CNTNAP2: variants seen among roughly 807,000 people sequenced by gnomAD.
The protein encoded by CNTNAP2 is contactin associated protein 2.
CNTNAP2 carries 98 observed loss-of-function variants against 155.2 expected under a neutral mutation model. The ratio of observed to expected loss-of-function variants is 0.63; its 90% confidence interval spans 0.54 to 0.75. The LOEUF (loss-of-function observed/expected upper bound fraction) is 0.75. CNTNAP2 is among the 30% of genes least tolerant of loss of function. CNTNAP2 has a pLI of 0.00. For missense variants in CNTNAP2, 1,727 were observed against 1,688.1 expected (o/e 1.02, Z -0.40); for synonymous variants, 651 against 631.2 (o/e 1.03, Z -0.47).
chr7:146,830,594 T>C (rs1282951933), intron 2 of CNTNAP2, among the ~76,000 whole-genome samples: 2 of 152,312 alleles, frequency 1.3e-5, no homozygotes, highest in East Asian at 1.9e-4. Flanking sequence ...TAAGGTTACA[T>C]AATTCTTTCT....
chr7:147,720,896 A>T (rs1198277090), intron 13 of CNTNAP2, among the ~76,000 whole-genome samples: 1 of 152,114 alleles, frequency 6.6e-6, no homozygotes, highest in Non-Finnish European at 1.5e-5. Flanking sequence ...TATGGTTTTC[A>T]TCAGGATACC....
chr7:147,705,246 G>A (rs562420183), intron 13 of CNTNAP2, among the ~76,000 whole-genome samples: 41 of 151,936 alleles, frequency 2.7e-4, no homozygotes, highest in Admixed American at 2.0e-3. Context: ...GGTATACTAC[G>A]TTTTGACTTG....
At chr7:146,352,748 C>CTTTTTTTTTTTTTTTTTTTTTTTTTT (rs1201897985) in intron 1 of CNTNAP2, among the ~76,000 whole-genome samples, 1 of 66,218 alleles carries the variant, frequency 1.5e-5, no homozygotes, top group Non-Finnish European at 2.6e-5. Context: ...TAGCATAATT[C>CTTTTTTTTTTTTTTTTTTTTTTTTTT]TGTTTTTTTT....
At chr7:148,292,743 C>T (rs980247343) in intron 21 of CNTNAP2, among the ~76,000 whole-genome samples, 5 of 152,142 alleles carry the variant, frequency 3.3e-5, no homozygotes, top group African/African-American at 1.2e-4. Context: ...GGACCCTGGC[C>T]ACCACTTGCA....
At chr7:147,776,932 T>C (rs1563085367) in intron 13 of CNTNAP2, among the ~76,000 whole-genome samples, 1 of 152,064 alleles carries the variant, frequency 6.6e-6, no homozygotes, top group Non-Finnish European at 1.5e-5. Flanking sequence ...TTTTGTAGTA[T>C]ATTTTATTCT....
chr7:148,127,064 G>C (rs1284232099), intron 16 of CNTNAP2, among the ~76,000 whole-genome samples: 1 of 152,148 alleles, frequency 6.6e-6, no homozygotes, highest in East Asian at 1.9e-4. Flanking sequence ...CAGCACTTTG[G>C]GAGGCCGAGG....
intron 1 of CNTNAP2, among the ~76,000 whole-genome samples, chr7:146,197,702 T>A (rs1798796712): frequency 6.6e-6 from 1 of 152,206 alleles, no homozygotes; most frequent in South Asian, 2.1e-4. Flanking sequence ...TTATCTAGTC[T>A]AACAGTATGC....
At chr7:148,348,122 CT>C (rs1798359732) in intron 21 of CNTNAP2, among the ~76,000 whole-genome samples, 1 of 152,190 alleles carries the variant, frequency 6.6e-6, no homozygotes, top group Non-Finnish European at 1.5e-5. Flanking sequence ...AACACTGTTT[CT>C]CTGGTCAGAG....
intron 15 of CNTNAP2, among the ~76,000 whole-genome samples, chr7:148,066,086 TG>T (rs1803253510): frequency 1.3e-5 from 2 of 152,328 alleles, no homozygotes; most frequent in South Asian, 2.1e-4. Flanking sequence ...TTAATTATTT[TG>T]TTTAAGGAGG....
chr7:146,433,256 T>G (rs1172424791), intron 1 of CNTNAP2, among the ~76,000 whole-genome samples: 10 of 152,110 alleles, frequency 6.6e-5, no homozygotes, highest in African/African-American at 2.4e-4. Flanking sequence ...ATCAAATTAA[T>G]AATTCAAAAC....
chr7:148,417,302 C>A lies in CNTNAP2; in HGVS notation c.*1686C>A, dbSNP rs997244388. 2 of 152,596 alleles carry A rather than the reference C, an allele frequency of 1.3e-5. No individual in the cohort carries two copies. Among genetic ancestry groups the A allele is most frequent in the African/African-American group, 4.8e-5 (2 of 41,442 alleles). The allele number at this position is 152,596 out of a possible 1,614,324, so 9.5% of individuals were successfully genotyped here. A position where few individuals can be genotyped will look rare whatever the true frequency, so the allele number is the denominator to read the frequency against. On this transcript the variant is annotated 3_prime_UTR_variant, in exon 24 of 24. Coordinates refer to ENST00000361727, the MANE Select transcript of CNTNAP2 (RefSeq NM_014141.6). ...CTAACTTATTGGAGCACATCAGTTT[C>A]TTGGGTAATGGAAAACATTACCTAG...
chr7:147,333,951 T>C (rs1357225653), intron 9 of CNTNAP2, among the ~76,000 whole-genome samples: 1 of 152,110 alleles, frequency 6.6e-6, no homozygotes, highest in Non-Finnish European at 1.5e-5. Context: ...GCCCTTCACA[T>C]CAAAGCAGAC....
At chr7:147,482,537 T>C (rs1445753040) in intron 10 of CNTNAP2, among the ~76,000 whole-genome samples, 1 of 150,724 alleles carries the variant, frequency 6.6e-6, no homozygotes, top group Non-Finnish European at 1.5e-5. Flanking sequence ...GCTAACACAG[T>C]GAAACCCCGT....
chr7:148,299,987 A>C (rs1276136694), intron 21 of CNTNAP2, among the ~76,000 whole-genome samples: 1 of 152,228 alleles, frequency 6.6e-6, no homozygotes, highest in African/African-American at 2.4e-5. Flanking sequence ...CACTAAAGTT[A>C]ATGCTCATAG....
rs1802271876 is a variant in CNTNAP2 at position 146,770,324 on chromosome 7, A to ACG, written c.98-3946_98-3945insGC. ...TATATATATGTGTGTGTATACACAC[A>ACG]CACACACACACACACACACACACAC... On this transcript the variant is annotated intron_variant, in intron 1 of 23. Transcript: ENST00000361727. Among the ~76,000 whole-genome samples the ACG allele has an allele frequency of 3.4e-5, 5 of 145,954 alleles. No individual in the cohort carries two copies. In the South Asian group the frequency reaches 8.8e-4, roughly 26 times the overall value.
chr7:147,430,178 T>C (rs150748704), intron 10 of CNTNAP2, among the ~76,000 whole-genome samples: 3 of 152,338 alleles, frequency 2.0e-5, no homozygotes, highest in Admixed American at 6.5e-5. Flanking sequence ...ATTTTCCCTC[T>C]CAACTCACCA....
intron 13 of CNTNAP2, among the ~76,000 whole-genome samples, chr7:147,662,713 G>C (rs1486930061): frequency 1.3e-5 from 2 of 151,990 alleles, no homozygotes; most frequent in Non-Finnish European, 2.9e-5. Context: ...CATTCCTTTG[G>C]GCTAGTACAC....
At chr7:147,327,464 G>A (rs1224757722) in intron 9 of CNTNAP2, among the ~76,000 whole-genome samples, 1 of 152,134 alleles carries the variant, frequency 6.6e-6, no homozygotes, top group African/African-American at 2.4e-5. Context: ...TTAAGAAAAG[G>A]TTAAATTGCA....
intron 1 of CNTNAP2, among the ~76,000 whole-genome samples, chr7:146,619,714 C>A (rs762163514): frequency 5.3e-5 from 8 of 152,146 alleles, no homozygotes; most frequent in African/African-American, 1.4e-4. Flanking sequence ...ACATCATTCA[C>A]GGCATTTGCA....
Sources: gnomAD v4.1 joint callset for allele counts (sites outside exome capture counted in the v4.1 genomes callset) on GRCh38, gnomAD v4.1.1 for gene constraint, MANE v1.5 for transcripts, NCBI Gene and HGNC (gene_info 2026-07-23, HGNC 2026-07-21) for gene names.